The following PTPRN2 variants were observed in gnomAD, a reference collection of about 807,000 sequenced individuals.
The protein encoded by PTPRN2 is protein tyrosine phosphatase receptor type N2, also known as receptor-type tyrosine-protein phosphatase N2.
In PTPRN2, 74 loss-of-function variants were observed where a neutral mutation model predicts 118.8. The ratio of observed to expected loss-of-function variants is 0.62; its 90% CI spans 0.52 to 0.76. The LOEUF is 0.76. Among genes scored for constraint, PTPRN2 ranks in the 30% least tolerant of loss-of-function variants. PTPRN2 has a pLI of 0.00. For synonymous variants in PTPRN2, 641 were observed against 608.0 expected (o/e 1.05, Z -0.80); for missense variants, 1,481 against 1,394.4 (o/e 1.06, Z -0.99).
At chr7:158,256,566 A>G (rs1033694526) in intron 3 of PTPRN2, among the ~76,000 whole-genome samples, 4 of 152,032 alleles carry the variant, frequency 2.6e-5, no homozygotes, top group Non-Finnish European at 5.9e-5. Context: ...TGGAGGAGAC[A>G]GAAGCTGGCG....
intron 5 of PTPRN2, 104 bp from the exon 6 acceptor site, chr7:158,167,395 TG>T: frequency 7.1e-7 from 1 of 1,410,580 alleles, no homozygotes; most frequent in Non-Finnish European, 9.5e-7. Flanking sequence ...TAAACAGCCC[TG>T]GGGGTACAAA....
rs1332556976 is a variant in PTPRN2 at position 157,964,759 on chromosome 7, C to T, written c.1724-66022G>A. 6.6e-6 allele frequency among the ~76,000 whole-genome samples: 1 copy of T among 152,162 alleles called. No homozygotes were observed. The highest frequency in any genetic ancestry group is 1.5e-5 in the Non-Finnish European group (1 of 68,036). The stretch of plus-strand genomic sequence containing the variant: ...GCTCTGATTCCCTTCCTCAAGCTTC[C>T]CACTTGAAGGTTGGTGTGAAACCCC... On this transcript the variant is annotated intron_variant, in intron 11 of 22. Coordinates refer to ENST00000389418, the MANE Select transcript of PTPRN2 (RefSeq NM_002847.5). This position sits in a 1 kb window ranked among gnomAD's most constrained non-coding sequence, Gnocchi z 9.0.
At chr7:157,818,221 C>T (rs1806557853) in intron 12 of PTPRN2, among the ~76,000 whole-genome samples, 1 of 151,374 alleles carries the variant, frequency 6.6e-6, no homozygotes, top group Non-Finnish European at 1.5e-5. Context: ...TGTTTGCATG[C>T]ATGTGTATGT....
At chr7:158,523,628 A>G (rs375120467) in intron 1 of PTPRN2, among the ~76,000 whole-genome samples, 653 of 13,834 alleles carry the variant, frequency 0.047, 7 homozygotes, top group East Asian at 0.079. Flanking sequence ...GAGTGGAGTC[A>G]TCTGCCCTGG....
chr7:157,773,880 G>A (rs1803034442), intron 12 of PTPRN2, among the ~76,000 whole-genome samples: 1 of 140,616 alleles, frequency 7.1e-6, no homozygotes. Context: ...AACTCCAACT[G>A]AGAGCTCTAC....
rs562042151 is a variant in PTPRN2, at chr7:158,210,378, G to T, written c.278-5105C>A. 2.0e-5 allele frequency among the ~76,000 whole-genome samples: 3 copies of T among 151,834 alleles called. No individual in the cohort carries two copies. In the East Asian group the frequency reaches 5.8e-4, roughly 29 times the overall value. On this transcript the variant is annotated intron_variant, in intron 3 of 22. Transcript: ENST00000389418. The stretch of plus-strand genomic sequence containing the variant: ...TCTCGATCTCCTGACCTCGTGATCC[G>T]CCCGCCTCGGCCTCCCAAAGTGATG...
intron 12 of PTPRN2, among the ~76,000 whole-genome samples, chr7:157,772,324 C>CATACAG (rs1324122618): frequency 0.013 from 1,601 of 121,320 alleles, 63 homozygotes; most frequent in East Asian, 0.11. Context: ...TAGACACAGA[C>CATACAG]ACACACATAC....
intron 2 of PTPRN2, among the ~76,000 whole-genome samples, chr7:158,456,286 CAGAGA>C (rs1016385240): frequency 1.3e-5 from 2 of 148,966 alleles, no homozygotes; most frequent in African/African-American, 5.0e-5. Context: ...CATTGCTCCA[CAGAGA>C]AGATAATGGC....
intron 5 of PTPRN2, among the ~76,000 whole-genome samples, chr7:158,177,062 C>T (rs1303272296): frequency 1.3e-5 from 2 of 152,192 alleles, no homozygotes; most frequent in South Asian, 4.1e-4. Context: ...CCACTGTGGG[C>T]AGTCATGGGC....
Position 157,764,754 on chromosome 7 carries a change from AAGAG to A in PTPRN2, c.1789-81821_1789-81818del, listed in dbSNP as rs2151013271. ...ACCACAATAAAAAATTAAAAAATAA[AAGAG>A]TGAGAGACTGCGTGCCTGGCATACA... On this transcript the variant is annotated intron_variant, in intron 12 of 22. Transcript: ENST00000389418. This position sits in a 1 kb window ranked among gnomAD's most constrained non-coding sequence, Gnocchi z 4.5. 6.6e-6 allele frequency among the ~76,000 whole-genome samples: 1 copy of A among 152,298 alleles called. No individual in the cohort carries two copies. The highest frequency in any genetic ancestry group is 6.5e-5 in the Admixed American group (1 of 15,302).
At chr7:158,388,391 C>T (rs1002587292) in intron 2 of PTPRN2, among the ~76,000 whole-genome samples, 1 of 152,316 alleles carries the variant, frequency 6.6e-6, no homozygotes, top group African/African-American at 2.4e-5. Context: ...GCGACAAACT[C>T]GGCTGCCCAC....
intron 3 of PTPRN2, among the ~76,000 whole-genome samples, chr7:158,247,107 A>T (rs1796304318): frequency 6.6e-6 from 1 of 152,170 alleles, no homozygotes; most frequent in Non-Finnish European, 1.5e-5. Context: ...TCAAGGAATG[A>T]GGAGGTGTGG....
At chr7:158,301,364 T>C (rs931106908) in intron 3 of PTPRN2, among the ~76,000 whole-genome samples, 4 of 152,194 alleles carry the variant, frequency 2.6e-5, no homozygotes, top group African/African-American at 9.7e-5. Context: ...TGCATTAATA[T>C]GCGCTCAATT....
At chr7:158,064,213 C>A (rs78285632) in intron 11 of PTPRN2, among the ~76,000 whole-genome samples, 5 of 152,176 alleles carry the variant, frequency 3.3e-5, no homozygotes, top group Admixed American at 6.5e-5. Context: ...ACAGGCATCC[C>A]GAGCAAGTTG....
At chr7:158,075,850 A>G (rs761551294) in intron 11 of PTPRN2, among the ~76,000 whole-genome samples, 1 of 152,216 alleles carries the variant, frequency 6.6e-6, no homozygotes, top group Non-Finnish European at 1.5e-5. Flanking sequence ...AGGAGCCCCC[A>G]GCCTGCGTTG....
intron 11 of PTPRN2, among the ~76,000 whole-genome samples, chr7:158,020,660 G>A (rs1366624916): frequency 1.3e-5 from 2 of 152,200 alleles, no homozygotes; most frequent in South Asian, 2.1e-4. Context: ...CTCCTCTGAC[G>A]TGGCTGTCTC....
intron 11 of PTPRN2, among the ~76,000 whole-genome samples, chr7:157,938,796 G>A (rs917399181): frequency 6.6e-6 from 1 of 152,204 alleles, no homozygotes; most frequent in African/African-American, 2.4e-5. Context: ...TTGGGGTGTT[G>A]GTGCTTATGT....
intron 12 of PTPRN2, among the ~76,000 whole-genome samples, chr7:157,692,668 T>C (rs1345780650): frequency 2.6e-5 from 4 of 152,162 alleles, no homozygotes; most frequent in Non-Finnish European, 4.4e-5. Context: ...CCCGCAGGCC[T>C]GAGCGGGCTG....
At chr7:158,056,696 G>A (rs1809820048) in intron 11 of PTPRN2, among the ~76,000 whole-genome samples, 1 of 152,314 alleles carries the variant, frequency 6.6e-6, no homozygotes, top group Admixed American at 6.5e-5. Flanking sequence ...ATTTCTTATA[G>A]CTACATTTTG....
Sources: allele counts gnomAD v4.1 joint callset (sites outside exome capture counted in the v4.1 genomes callset), GRCh38; gene constraint gnomAD v4.1.1; non-coding constraint Gnocchi (gnomAD v3.1); transcripts MANE v1.5; gene names NCBI Gene and HGNC (gene_info 2026-07-23, HGNC 2026-07-21).